Variants in GNAL observed in about 807,000 individuals in gnomAD.
The protein encoded by GNAL is guanine nucleotide-binding protein G(olf) subunit alpha.
A neutral mutation model predicts 55.1 loss-of-function variants in GNAL; 18 were observed. That is an observed-to-expected ratio of 0.33 (90% confidence interval 0.23 to 0.48). GNAL has a LOEUF of 0.48. Among genes scored for constraint, GNAL ranks in the 20% least tolerant of loss-of-function variants. The pLI, the probability that GNAL is intolerant of heterozygous loss-of-function variation, is 0.99. For synonymous variants in GNAL, 253 were observed against 237.0 expected (o/e 1.07, Z -0.62); for missense variants, 412 against 614.1 (o/e 0.67, Z 3.48).
chr18:11,820,189 TC>T (rs1178385501), intron 4 of GNAL, among the ~76,000 whole-genome samples: 2 of 152,186 alleles, frequency 1.3e-5, no homozygotes, highest in Non-Finnish European at 2.9e-5. Flanking sequence ...ATATTTATGC[TC>T]TTTTTTAGGC....
intron 1 of GNAL, among the ~76,000 whole-genome samples, chr18:11,732,194 G>T (rs999114178): frequency 3.3e-5 from 5 of 152,222 alleles, no homozygotes; most frequent in African/African-American, 1.2e-4. Context: ...GTATTACCAA[G>T]AATTGGAATT....
At chr18:11,856,053 C>T (rs2036001269) in intron 5 of GNAL, among the ~76,000 whole-genome samples, 2 of 150,808 alleles carry the variant, frequency 1.3e-5, no homozygotes, top group Non-Finnish European at 2.9e-5. Context: ...CATCAGCTGG[C>T]CAAGCACACT....
chr18:11,879,925 C>T (rs2036624265), intron 11 of GNAL, among the ~76,000 whole-genome samples: 1 of 152,350 alleles, frequency 6.6e-6, no homozygotes, highest in Non-Finnish European at 1.5e-5. Flanking sequence ...GGCCGCTGCA[C>T]CGTCCAGTAC....
At chr18:11,840,435 A>G (rs1266810145) in intron 5 of GNAL, among the ~76,000 whole-genome samples, 3 of 152,208 alleles carry the variant, frequency 2.0e-5, no homozygotes, top group African/African-American at 7.2e-5. Context: ...ATTAACCTCA[A>G]TTGAACATGT....
At chr18:11,817,601 T>G (rs2034989283) in intron 4 of GNAL, among the ~76,000 whole-genome samples, 1 of 152,182 alleles carries the variant, frequency 6.6e-6, no homozygotes, top group African/African-American at 2.4e-5. Context: ...GTTTTCTTTT[T>G]GTTTGGTTGT....
chr18:11,746,352 G>T (rs2032687163), intron 1 of GNAL: 1 of 296,858 alleles, frequency 3.4e-6, no homozygotes, highest in Admixed American at 4.2e-5. Context: ...GCTCACACCT[G>T]TAATCCCAGC....
At position 11,724,362 on chromosome 18, in the gene GNAL, C is replaced by T. The variant is rs534213394; in HGVS notation, c.377-28491C>T. 6.6e-5 allele frequency among the ~76,000 whole-genome samples: 10 copies of T among 152,164 alleles called. No individual in the cohort carries two copies. In the South Asian group the frequency reaches 1.0e-3, roughly 16 times the overall value. On this transcript the variant is annotated intron_variant, in intron 1 of 11. Coordinates refer to ENST00000334049, the MANE Select transcript of GNAL (RefSeq NM_182978.4). Reference sequence around the variant, plus strand: ...TGCCCTGATAGAGCACCACAGGCTGCGTGGCTTATACAACAGAAGTGGACT... The same window carrying T: ...TGCCCTGATAGAGCACCACAGGCTGTGTGGCTTATACAACAGAAGTGGACT...
intron 4 of GNAL, among the ~76,000 whole-genome samples, chr18:11,779,406 G>C (rs2033869499): frequency 6.6e-6 from 1 of 152,214 alleles, no homozygotes; most frequent in Non-Finnish European, 1.5e-5. Context: ...GCAGTCATTT[G>C]ATGGCCTGTA....
chr18:11,770,129 C>T (rs1392793933), intron 4 of GNAL, among the ~76,000 whole-genome samples: 1 of 151,860 alleles, frequency 6.6e-6, no homozygotes, highest in Non-Finnish European at 1.5e-5. Context: ...TTAATATTAC[C>T]TGCATTATGA....
intron 5 of GNAL, among the ~76,000 whole-genome samples, chr18:11,838,688 G>A (rs574737154): frequency 1.2e-4 from 18 of 152,278 alleles, no homozygotes; most frequent in African/African-American, 1.9e-4. Flanking sequence ...CATGTGCCAC[G>A]CATGGTGACA....
chr18:11,807,522 G>GC (rs2034696989), intron 4 of GNAL, among the ~76,000 whole-genome samples: 1 of 152,240 alleles, frequency 6.6e-6, no homozygotes, highest in African/African-American at 2.4e-5. Flanking sequence ...AAGCCGGGCC[G>GC]TGGGGGGAAA....
At chr18:11,725,105 A>G (rs899841977) in intron 1 of GNAL, among the ~76,000 whole-genome samples, 1 of 152,180 alleles carries the variant, frequency 6.6e-6, no homozygotes, top group African/African-American at 2.4e-5. Flanking sequence ...TCACTAAATT[A>G]ATGAGCCGGA....
intron 1 of GNAL, among the ~76,000 whole-genome samples, chr18:11,722,085 ATCATTCACC>A (rs1207440235): frequency 1.3e-5 from 2 of 152,162 alleles, no homozygotes; most frequent in African/African-American, 4.8e-5. Context: ...GCCACTCAGA[ATCATTCACC>A]TTGGTTTTGA....
intron 5 of GNAL, among the ~76,000 whole-genome samples, chr18:11,839,670 G>A (rs562381166): frequency 6.6e-6 from 1 of 151,820 alleles, no homozygotes; most frequent in South Asian, 2.1e-4. Flanking sequence ...AGTGTCATCA[G>A]CTGACAAATG....
chr18:11,833,257 C>G (rs375754348), intron 5 of GNAL, among the ~76,000 whole-genome samples: 1 of 152,120 alleles, frequency 6.6e-6, no homozygotes, highest in East Asian at 1.9e-4. Context: ...GTCTCGAACT[C>G]CTGACCCAAG....
At chr18:11,808,719 C>T (rs1489906362) in intron 4 of GNAL, among the ~76,000 whole-genome samples, 1 of 152,218 alleles carries the variant, frequency 6.6e-6, no homozygotes, top group Non-Finnish European at 1.5e-5. Flanking sequence ...AGCAGCATTA[C>T]TCAATAATAG....
In GNAL at chr18:11,862,452, A is replaced by G; in HGVS notation, c.777+3A>G. 6.3e-7 allele frequency: 1 copy of G among 1,594,316 alleles called. No homozygotes were observed. Among genetic ancestry groups the G allele is most frequent in the Non-Finnish European group, 8.6e-7 (1 of 1,161,862 alleles). Reference sequence around the variant, plus strand: ...TTGACTACACACCCACAGACCAGGTATGTGGAATTAGGGTCCCCCACCACA... The same window carrying G: ...TTGACTACACACCCACAGACCAGGTGTGTGGAATTAGGGTCCCCCACCACA... On this transcript the variant is annotated splice_donor_region_variant and intron_variant, in intron 6 of 11. Transcript: ENST00000334049.
Position 11,689,632 on chromosome 18 carries a change from G to A in GNAL, c.69G>A (p.Ser23=), listed in dbSNP as rs987117042. Reference sequence around the variant, plus strand: ...CAGGGGACGACCCCTGCGCGGCCTCGGAGCCGCCGGTGGAGGACGCGCAGC... The same window carrying A: ...CAGGGGACGACCCCTGCGCGGCCTCAGAGCCGCCGGTGGAGGACGCGCAGC... ...GGPGDDPCAA[S]EPPVEDAQPA... The change falls in exon 1 of 12, where the codon TCG becomes TCA. Residue 23 remains serine, a synonymous_variant. Transcript: ENST00000334049. 4 of 1,369,188 alleles carry A rather than the reference G, an allele frequency of 2.9e-6. No homozygotes were observed. Among genetic ancestry groups the A allele is most frequent in the Non-Finnish European group, 3.7e-6 (4 of 1,071,316 alleles). The allele number at this position is 1,369,188 out of a possible 1,614,324, so 84.8% of individuals were successfully genotyped here.
intron 4 of GNAL, among the ~76,000 whole-genome samples, chr18:11,786,436 CTTTTTTTTTTTT>C (rs66803403): frequency 1.4e-3 from 85 of 60,684 alleles, no homozygotes; most frequent in African/African-American, 5.2e-3. Flanking sequence ...CATACGTTTT[CTTTTTTTTTTTT>C]TTTTTTTTTT....
Sources: gnomAD v4.1 joint callset for allele counts (sites outside exome capture counted in the v4.1 genomes callset) on GRCh38, gnomAD v4.1.1 for gene constraint, MANE v1.5 for transcripts, NCBI Gene and HGNC (gene_info 2026-07-23, HGNC 2026-07-21) for gene names.